The following NTN4 variants were observed in gnomAD, a reference collection of about 807,000 sequenced individuals.
The protein encoded by NTN4 is netrin-4.
Under a neutral mutation model 73.6 loss-of-function variants are expected in NTN4, and 32 were observed. The ratio of observed to expected loss-of-function variants is 0.44; its 90% CI spans 0.33 to 0.58. The LOEUF is 0.58. Ranked by LOEUF, NTN4 falls within the 20% of genes least tolerant of loss-of-function variation. The pLI is 0.04. For synonymous variants in NTN4, 258 were observed against 287.5 expected, an observed-to-expected ratio of 0.90 and a Z score of 1.04; for missense variants, 654 against 798.3, an observed-to-expected ratio of 0.82 and a Z score of 2.18.
chr12:95,700,080 A>ATTTTTTTT (rs56063223), intron 5 of NTN4, among the ~76,000 whole-genome samples: 5 of 41,824 alleles, frequency 1.2e-4, no homozygotes, highest in African/African-American at 1.9e-4. Flanking sequence ...TAAAGTGAGG[A>ATTTTTTTT]TTTTTTTTTT....
chr12:95,664,217 C>T (rs1042967662), intron 9 of NTN4, among the ~76,000 whole-genome samples: 2 of 151,934 alleles, frequency 1.3e-5, no homozygotes, highest in East Asian at 1.9e-4. Flanking sequence ...CCACACCCAG[C>T]TAATTATTTA....
intron 3 of NTN4, among the ~76,000 whole-genome samples, chr12:95,734,275 C>G (rs146423625): frequency 3.9e-5 from 6 of 152,182 alleles, no homozygotes; most frequent in African/African-American, 1.4e-4. Context: ...TAGCCACAGA[C>G]GAACTGGCAT....
At chr12:95,683,321 C>T (rs77975182) in intron 6 of NTN4, among the ~76,000 whole-genome samples, 177 bp downstream of exon 6, 8,136 of 152,330 alleles carry the variant, frequency 0.053, 347 homozygotes, top group East Asian at 0.22. Context: ...CTCAGCCTCC[C>T]AAAGTGTTGG....
chr12:95,750,481 A>C (rs2078898085), intron 2 of NTN4, among the ~76,000 whole-genome samples: 1 of 152,084 alleles, frequency 6.6e-6, no homozygotes, highest in Non-Finnish European at 1.5e-5. Context: ...CCCCAATACA[A>C]ACTCAACAGT....
intron 7 of NTN4, among the ~76,000 whole-genome samples, chr12:95,678,304 T>C (rs2078289434): frequency 1.4e-5 from 2 of 147,464 alleles, no homozygotes; most frequent in South Asian, 2.1e-4. Flanking sequence ...TGTATACCTA[T>C]GTAACAAACC....
chr12:95,731,959 G>A (rs558247368), intron 3 of NTN4, among the ~76,000 whole-genome samples: 14 of 152,268 alleles, frequency 9.2e-5, no homozygotes, highest in African/African-American at 3.1e-4. Flanking sequence ...TAGCATGACA[G>A]CACAAGACCT....
chr12:95,772,661 C>T (rs370407323), intron 2 of NTN4, among the ~76,000 whole-genome samples: 3 of 152,186 alleles, frequency 2.0e-5, no homozygotes, highest in Admixed American at 1.3e-4. Flanking sequence ...AGTAAATGGT[C>T]GTTGCATTCT....
At chr12:95,696,802 T>G (rs376455241) in intron 5 of NTN4, among the ~76,000 whole-genome samples, 1 of 152,206 alleles carries the variant, frequency 6.6e-6, no homozygotes, top group African/African-American at 2.4e-5. Context: ...CAGATTATTC[T>G]GCACCTTCCC....
intron 2 of NTN4, among the ~76,000 whole-genome samples, chr12:95,776,375 G>T (rs936246312): frequency 7.2e-5 from 11 of 152,184 alleles, no homozygotes; most frequent in African/African-American, 2.7e-4. Context: ...GCTAAAGGAG[G>T]AAGTTCGAAC....
At chr12:95,718,158 A>C (rs1191014286) in intron 3 of NTN4, among the ~76,000 whole-genome samples, 10 of 152,248 alleles carry the variant, frequency 6.6e-5, no homozygotes, top group Admixed American at 6.5e-4. Flanking sequence ...GGAAGATAAA[A>C]TATTATTTCC....
At position 95,790,402 on chromosome 12, in the gene NTN4, G is replaced by C; in HGVS notation, c.-93C>G. Reference sequence around the variant, plus strand: ...GGATGAAGCGCCGCCGTCCTCGGGAGGGAACGGGGCCCTGGTTTCTTCCTC... The same window carrying C: ...GGATGAAGCGCCGCCGTCCTCGGGACGGAACGGGGCCCTGGTTTCTTCCTC... On this transcript the variant is annotated 5_prime_UTR_variant, in exon 1 of 10. Transcript: ENST00000343702. This position sits in a 1 kb window ranked among gnomAD's most constrained non-coding sequence, Gnocchi z 6.5. The C allele has an allele frequency of 1.8e-6, 2 of 1,127,822 alleles. No homozygotes were observed. The highest frequency in any genetic ancestry group is 3.3e-5 in the South Asian group (2 of 60,814). 69.9% of individuals were successfully genotyped at this position (1,127,822 alleles called of 1,614,324 possible).
intron 3 of NTN4, among the ~76,000 whole-genome samples, chr12:95,717,777 G>A (rs1351692612): frequency 6.6e-6 from 1 of 152,020 alleles, no homozygotes; most frequent in Non-Finnish European, 1.5e-5. Context: ...ATGTATTTAA[G>A]GTTGAGTTGA....
At chr12:95,712,147 G>A (rs551062536) in intron 4 of NTN4, among the ~76,000 whole-genome samples, 2 of 152,190 alleles carry the variant, frequency 1.3e-5, no homozygotes, top group South Asian at 4.2e-4. Flanking sequence ...CATTGTGATG[G>A]GCACGCGCAT....
intron 3 of NTN4, among the ~76,000 whole-genome samples, chr12:95,722,317 A>C (rs188069675): frequency 2.0e-5 from 3 of 152,314 alleles, no homozygotes; most frequent in Middle Eastern, 3.4e-3. Flanking sequence ...GAGTTTAAAA[A>C]TAGTGTTGAT....
chr12:95,761,994 C>G (rs1259330213), intron 2 of NTN4, among the ~76,000 whole-genome samples: 1 of 151,814 alleles, frequency 6.6e-6, no homozygotes, highest in African/African-American at 2.4e-5. Context: ...TTATAAAATG[C>G]ATATATATAC....
intron 5 of NTN4, among the ~76,000 whole-genome samples, chr12:95,698,835 C>T (rs117387149): frequency 0.014 from 2,039 of 150,890 alleles, 16 homozygotes; most frequent in Non-Finnish European, 0.023. Context: ...CCAGCCTGTG[C>T]GATAGAGTGA....
At chr12:95,681,059 G>A (rs1001204308) in intron 7 of NTN4, among the ~76,000 whole-genome samples, 2 of 151,822 alleles carry the variant, frequency 1.3e-5, no homozygotes, top group Non-Finnish European at 2.9e-5. Context: ...TGTGGTGGTG[G>A]GTGCCTGTAA....
At chr12:95,679,014 G>A (rs2078295715) in intron 7 of NTN4, among the ~76,000 whole-genome samples, 1 of 152,156 alleles carries the variant, frequency 6.6e-6, no homozygotes, top group African/African-American at 2.4e-5. Context: ...AGTGACAAAT[G>A]CTATTGAAAG....
At chr12:95,767,590 G>A (rs1399655832) in intron 2 of NTN4, among the ~76,000 whole-genome samples, 1 of 152,132 alleles carries the variant, frequency 6.6e-6, no homozygotes, top group East Asian at 1.9e-4. Context: ...TGTCCACAGT[G>A]TCATAAGGCA....
Sources: gnomAD v4.1 joint callset for allele counts (sites outside exome capture counted in the v4.1 genomes callset) on GRCh38, gnomAD v4.1.1 for gene constraint, Gnocchi (gnomAD v3.1) non-coding constraint, MANE v1.5 for transcripts, NCBI Gene and HGNC (gene_info 2026-07-23, HGNC 2026-07-21) for gene names.